The following TFAP2A variants were observed in gnomAD, a reference collection of about 807,000 sequenced individuals.
The protein encoded by TFAP2A is transcription factor AP-2 alpha.
In TFAP2A, 7 loss-of-function variants were observed where a neutral mutation model predicts 41.5. That is an observed-to-expected ratio of 0.17 (90% CI 0.10 to 0.32). TFAP2A has a LOEUF of 0.32. Ranked by LOEUF, TFAP2A falls within the 10% of genes least tolerant of loss-of-function variation. The pLI is 1.00. For synonymous variants in TFAP2A, 247 were observed against 242.8 expected (o/e 1.02, Z -0.16); for missense variants, 416 against 563.3 (o/e 0.74, Z 2.65).
intron 2 of TFAP2A, 47 bp downstream of exon 2, chr6:10,409,854 A>C (rs1227232486): frequency 6.5e-7 from 1 of 1,540,454 alleles, no homozygotes. Context: ...TGGGGTAGGT[A>C]AGTAGGGGGC....
At chr6:10,406,752 C>A (rs1757733523) in intron 3 of TFAP2A, 41 bp downstream of exon 3, 2 of 1,546,780 alleles carry the variant, frequency 1.3e-6, no homozygotes, top group Non-Finnish European at 1.8e-6. Flanking sequence ...TAGCACTCTG[C>A]CTGTAAGGAC....
At chr6:10,404,822 A>G (rs1757629743) in intron 3 of TFAP2A, 83 bp from the exon 4 acceptor site, 1 of 1,300,950 alleles carries the variant, frequency 7.7e-7, no homozygotes, top group Non-Finnish European at 1.1e-6. Context: ...CATCCCGGCC[A>G]GGGCCGGATC....
Position 10,415,005 on chromosome 6 carries a change from C to G in TFAP2A, c.-14G>C, listed in dbSNP as rs76066093. 4,189 of 1,614,078 alleles carry G rather than the reference C, an allele frequency of 2.6e-3. 96 individuals are homozygous for G. The African/African-American group carries it at 0.046, about 18-fold the overall frequency. ...AAGCATTTTCATGGATCGGCGTGAA[C>G]GGATATGCCCCTCTCGGTCTCGCAC... On this transcript the variant is annotated 5_prime_UTR_variant, in exon 1 of 7. Coordinates refer to ENST00000379613, the MANE Select transcript of TFAP2A (RefSeq NM_001372066.1).
At chr6:10,400,817 T>C (rs1298087706) in intron 5 of TFAP2A, 2 of 687,622 alleles carry the variant, frequency 2.9e-6, no homozygotes, top group Non-Finnish European at 5.3e-6. Flanking sequence ...GACTTGAAAA[T>C]GAAAATCTCA....
chr6:10,397,226 G>GGAGA lies in TFAP2A; in HGVS notation c.*1187_*1190dup, dbSNP rs150236619. On this transcript the variant is annotated 3_prime_UTR_variant, in exon 7 of 7. Coordinates refer to ENST00000379613, the MANE Select transcript of TFAP2A (RefSeq NM_001372066.1). ...GAAGTTCTTTGAACAGAAAGAGAGA[G>GGAGA]GAGAGAGAGAGAGAGAGGAAAATTC... The GGAGA allele has an allele frequency of 6.6e-6, 1 of 150,696 alleles. No individual in the cohort carries two copies. Among genetic ancestry groups the GGAGA allele is most frequent in the African/African-American group, 2.4e-5 (1 of 41,018 alleles). 9.3% of individuals were successfully genotyped at this position (150,696 alleles called of 1,614,324 possible).
At chr6:10,404,166 G>A (rs927418122) in intron 4 of TFAP2A, among the ~76,000 whole-genome samples, 1 of 152,224 alleles carries the variant, frequency 6.6e-6, no homozygotes, top group African/African-American at 2.4e-5. Flanking sequence ...GGCGCCCCGC[G>A]GCTGCAGTGG....
Position 10,404,278 on chromosome 6 carries a change from A to G in TFAP2A, c.770+230T>C, listed in dbSNP as rs76479842. 0.017 allele frequency among the ~76,000 whole-genome samples: 2,512 copies of G among 152,188 alleles called. 73 individuals carry two copies. The highest frequency in any genetic ancestry group is 0.056 in the African/African-American group (2,343 of 41,534). On this transcript the variant is annotated intron_variant, in intron 4 of 6. Coordinates refer to ENST00000379613, the MANE Select transcript of TFAP2A (RefSeq NM_001372066.1). ...GGCAGCGAACGAAGCGCGCACCAGA[A>G]CTCGCTCGCGGGAAAGCAGCGGAGA... is the stretch of plus-strand genomic sequence containing the variant.
intron 2 of TFAP2A, among the ~76,000 whole-genome samples, chr6:10,408,647 G>A (rs1401314601): frequency 2.0e-5 from 3 of 152,180 alleles, no homozygotes; most frequent in East Asian, 1.9e-4. Context: ...GACATACAGT[G>A]CTCACTAAAC....
rs1239557695 is a variant in TFAP2A, at chr6:10,398,786, C to T, written c.1032-81G>A. ...AGCAGCAAAGAGAAAACCTCCCTCCCTGCAGCTACCTCTGCCGGGATCCAG... is the reference window on the plus strand; with the variant it reads ...AGCAGCAAAGAGAAAACCTCCCTCCTTGCAGCTACCTCTGCCGGGATCCAG... On this transcript the variant is annotated intron_variant, in intron 6 of 6. Coordinates refer to ENST00000379613, the MANE Select transcript of TFAP2A (RefSeq NM_001372066.1). The surrounding 1 kb of genome is among the most constrained non-coding windows in gnomAD (Gnocchi z 5.3). The T allele has an allele frequency of 6.6e-7, 1 of 1,516,924 alleles. No homozygotes were observed. The allele number at this position is 1,516,924 out of a possible 1,614,324, so 94.0% of individuals were successfully genotyped here. A position where few individuals can be genotyped will look rare whatever the true frequency, so the allele number is the denominator to read the frequency against.
At chr6:10,400,939 T>C (rs928116404) in intron 5 of TFAP2A, 2 of 449,998 alleles carry the variant, frequency 4.4e-6, no homozygotes, top group Non-Finnish European at 8.5e-6. Flanking sequence ...ATAAATGATA[T>C]TCATAATTAC....
chr6:10,415,196 G>GGAGAAGGGCGAGGAGGAGGA, upstream of TFAP2A: 1 of 1,490,934 alleles, frequency 6.7e-7, no homozygotes. Context: ...AGGAGGGCGA[G>GGAGAAGGGCGAGGAGGAGGA]GAGAAGGGCG....
At chr6:10,404,911 C>G (rs1476278924) in intron 3 of TFAP2A, 172 bp from the exon 4 acceptor site, 2 of 652,706 alleles carry the variant, frequency 3.1e-6, no homozygotes, top group South Asian at 1.9e-5. Flanking sequence ...TCCTCGGGCT[C>G]GAGCCCTTCC....
At chr6:10,403,008 T>C (rs527657326) in intron 4 of TFAP2A, among the ~76,000 whole-genome samples, 1 of 152,370 alleles carries the variant, frequency 6.6e-6, no homozygotes, top group Non-Finnish European at 1.5e-5. Context: ...TTGCAAGATA[T>C]GCTGTTAGGT....
upstream of TFAP2A, chr6:10,415,995 A>T (rs1304934367): frequency 6.6e-6 from 1 of 152,196 alleles, no homozygotes; most frequent in Non-Finnish European, 1.5e-5. Context: ...GGGCCAACTG[A>T]CAGTTCAAAT....
upstream of TFAP2A, chr6:10,417,294 TCTC>T (rs989721532): frequency 6.6e-6 from 1 of 152,296 alleles, no homozygotes; most frequent in African/African-American, 2.4e-5. Context: ...GCCCAACAGA[TCTC>T]CGGCTCCGCA....
chr6:10,398,951 A>G lies in TFAP2A; in HGVS notation c.1032-246T>C, dbSNP rs889050529. On this transcript the variant is annotated intron_variant, in intron 6 of 6. Transcript: ENST00000379613. This position sits in a 1 kb window ranked among gnomAD's most constrained non-coding sequence, Gnocchi z 5.3. The stretch of plus-strand genomic sequence containing the variant: ...AATGACTCTCTCTCTCTTTCCTCTC[A>G]GATATGGTAAACTTTTATTCCCACC... Among the ~76,000 whole-genome samples, 1 of 152,152 alleles carries G rather than the reference A, an allele frequency of 6.6e-6. No individual in the cohort carries two copies. Among genetic ancestry groups the G allele is most frequent in the Non-Finnish European group, 1.5e-5 (1 of 68,020 alleles).
chr6:10,412,168 G>C, intron 1 of TFAP2A: 1 of 988,516 alleles, frequency 1.0e-6, no homozygotes, highest in Non-Finnish European at 1.2e-6. Context: ...TAGCAAATCG[G>C]AGTGGGGAGA....
intron 3 of TFAP2A, 129 bp from the exon 4 acceptor site, chr6:10,404,868 G>A (rs909599907): frequency 2.5e-6 from 2 of 807,228 alleles, no homozygotes; most frequent in African/African-American, 3.4e-5. Flanking sequence ...TTTTCCGTCC[G>A]GCTCTGAAAT....
intron 3 of TFAP2A, chr6:10,404,944 G>A (rs1757639467): frequency 1.7e-6 from 1 of 604,426 alleles, no homozygotes. Context: ...GCGGCCGGGA[G>A]GCGGCCCTGC....
Sources: allele counts gnomAD v4.1 joint callset (sites outside exome capture counted in the v4.1 genomes callset), GRCh38; gene constraint gnomAD v4.1.1; non-coding constraint Gnocchi (gnomAD v3.1); transcripts MANE v1.5; gene names NCBI Gene and HGNC (gene_info 2026-07-23, HGNC 2026-07-21).